Variants in TMEM184B observed in about 807,000 individuals in gnomAD.
TMEM184B encodes transmembrane protein 184B.
A neutral mutation model predicts 41.8 loss-of-function variants in TMEM184B; 17 were observed. The observed-to-expected ratio is 0.41, with a 90% CI of 0.28 to 0.61. The LOEUF (loss-of-function observed/expected upper bound fraction) is 0.61, where lower values mean the gene tolerates loss of function less well. Among genes scored for constraint, TMEM184B ranks in the 20% least tolerant of loss-of-function variants. The pLI, the probability that TMEM184B is intolerant of heterozygous loss-of-function variation, is 0.34. For missense variants in TMEM184B, 393 were observed against 557.8 expected, an observed-to-expected ratio of 0.70 and a Z score of 2.98; for synonymous variants, 240 against 229.5, an observed-to-expected ratio of 1.05 and a Z score of -0.41.
intron 8 of TMEM184B, 21 bp downstream of exon 8, chr22:38,224,764 G>A (rs139390093): frequency 1.2e-4 from 180 of 1,563,178 alleles, no homozygotes; most frequent in Middle Eastern, 7.7e-4. Context: ...AGCGGGGGTC[G>A]CCTAGGACCC....
intron 1 of TMEM184B, among the ~76,000 whole-genome samples, chr22:38,253,097 G>A (rs145181326): frequency 0.017 from 2,641 of 152,078 alleles, 72 homozygotes; most frequent in African/African-American, 0.061. Context: ...AGCCGAGATC[G>A]CGCCACTGCA....
In TMEM184B at chr22:38,225,832, C is replaced by A. The variant is rs1481622493; in HGVS notation, c.618-239G>T. On this transcript the variant is annotated intron_variant, in intron 6 of 8. Transcript: ENST00000361906. The surrounding 1 kb of genome is among the most constrained non-coding windows in gnomAD (Gnocchi z 4.4). ...TGCGTGGCTCGTGGACTTGTCTAAGCCCTGGTGCCCACACTCCTAACGTTG... is the reference window on the plus strand; with the variant it reads ...TGCGTGGCTCGTGGACTTGTCTAAGACCTGGTGCCCACACTCCTAACGTTG... Among the ~76,000 whole-genome samples, 1 of 152,320 alleles carries A rather than the reference C, an allele frequency of 6.6e-6. No individual in the cohort carries two copies. The highest frequency in any genetic ancestry group is 1.9e-4 in the East Asian group (1 of 5,180).
chr22:38,255,849 T>C (rs1238449490), intron 1 of TMEM184B, among the ~76,000 whole-genome samples: 1 of 152,100 alleles, frequency 6.6e-6, no homozygotes, highest in African/African-American at 2.4e-5. Flanking sequence ...TGGAGCATGG[T>C]GTAGTAGTTG....
intron 2 of TMEM184B, among the ~76,000 whole-genome samples, chr22:38,247,388 C>T (rs377665883): frequency 5.9e-5 from 9 of 152,220 alleles, no homozygotes; most frequent in African/African-American, 1.7e-4. Context: ...GTCAGATGGG[C>T]GAGGCTTGAA....
chr22:38,269,648 G>A (rs564072381), intron 1 of TMEM184B, among the ~76,000 whole-genome samples: 1 of 152,114 alleles, frequency 6.6e-6, no homozygotes, highest in African/African-American at 2.4e-5. Context: ...AGCAAGCTAC[G>A]ATAGCACCAC....
chr22:38,259,243 G>C (rs1321029076), intron 1 of TMEM184B, among the ~76,000 whole-genome samples: 1 of 152,224 alleles, frequency 6.6e-6, no homozygotes, highest in Non-Finnish European at 1.5e-5. Flanking sequence ...ACACCTTACT[G>C]CTGCTATCCC....
chr22:38,246,002 G>C lies in TMEM184B; in HGVS notation c.291C>G (p.Leu97=). 1 of 1,613,758 alleles carries C rather than the reference G, an allele frequency of 6.2e-7. No homozygotes were observed. Residue 97 remains leucine (L), a synonymous_variant, in exon 3 of 9, where the codon CTC becomes CTG. Coordinates refer to ENST00000361906, the MANE Select transcript of TMEM184B (RefSeq NM_012264.5). ...IVPIYAFDSW[L]SLLFFTNDQY... ...GGTCGTTGGTGAAGAAGAGGAGGCTGAGCCAGGAGTCAAAGGCGTAGATGG... is the reference window on the plus strand; with the variant it reads ...GGTCGTTGGTGAAGAAGAGGAGGCTCAGCCAGGAGTCAAAGGCGTAGATGG...
At chr22:38,267,260 G>C (rs997856981) in intron 1 of TMEM184B, among the ~76,000 whole-genome samples, 3 of 151,912 alleles carry the variant, frequency 2.0e-5, no homozygotes, top group African/African-American at 7.3e-5. Flanking sequence ...AGGCTTTCTG[G>C]GTGGATCTTC....
chr22:38,262,483 G>A (rs917614795), intron 1 of TMEM184B, among the ~76,000 whole-genome samples: 4 of 152,186 alleles, frequency 2.6e-5, no homozygotes. Context: ...GGAGTTAAGA[G>A]GGCAGACAGA....
In TMEM184B at chr22:38,247,804, A is replaced by C; in HGVS notation, c.158T>G (p.Phe53Cys). The C allele has an allele frequency of 1.2e-6, 2 of 1,614,006 alleles. No individual in the cohort carries two copies. The highest frequency in any genetic ancestry group is 1.7e-6 in the Non-Finnish European group (2 of 1,179,978). The change falls in exon 2 of 9, where the codon TTC becomes TGC. Residue 53 changes from phenylalanine to cysteine, a missense_variant. Phe to Cys is a radical substitution (Grantham distance 205). Around this residue, in one of 2 missense-constraint regions of TMEM184B, gnomAD observed 122 missense variants for 123.7 expected, o/e 0.99. Transcript: ENST00000361906. Reference protein sequence around the residue: ...TTAAQAISGFFVWTALLITCH... With the variant: ...TTAAQAISGFCVWTALLITCH... Reference sequence around the variant, plus strand: ...TGTGATGAGCAGGGCCGTCCACACGAAGAAGCCAGAGATGGCCTGAGCGGC... The same window carrying C: ...TGTGATGAGCAGGGCCGTCCACACGCAGAAGCCAGAGATGGCCTGAGCGGC...
Position 38,226,834 on chromosome 22 carries a change from C to T in TMEM184B, c.562G>A (p.Ala188Thr), listed in dbSNP as rs151083437. The T allele has an allele frequency of 3.7e-6, 6 of 1,604,646 alleles. No homozygotes were observed. The highest frequency in any genetic ancestry group is 1.3e-5 in the African/African-American group (1 of 74,938). ...LQFCVVKPLM[A>T]VSTVVLQAFG... Reference sequence around the variant, plus strand: ...GCCTGGAGGACCACAGTGCTGACCGCCATGAGTGGCTTCACCACACAGAAC... The same window carrying T: ...GCCTGGAGGACCACAGTGCTGACCGTCATGAGTGGCTTCACCACACAGAAC... Residue 188 changes from alanine to threonine, a missense_variant, in exon 6 of 9, where the codon GCG becomes ACG. Around this residue, in one of 2 missense-constraint regions of TMEM184B, gnomAD observed 271 missense variants for 434.1 expected, o/e 0.62. Transcript: ENST00000361906. The surrounding 1 kb of genome is among the most constrained non-coding windows in gnomAD (Gnocchi z 4.6).
At chr22:38,266,526 T>C (rs780496451) in intron 1 of TMEM184B, among the ~76,000 whole-genome samples, 2 of 152,238 alleles carry the variant, frequency 1.3e-5, no homozygotes, top group Non-Finnish European at 2.9e-5. Context: ...AAAAAAAGGC[T>C]GAAGACCTCA....
chr22:38,271,580 C>A (rs1218289149), intron 1 of TMEM184B, among the ~76,000 whole-genome samples: 1 of 152,072 alleles, frequency 6.6e-6, no homozygotes. Context: ...CGGCCACGAT[C>A]CCCCTCCCCG....
intron 1 of TMEM184B, among the ~76,000 whole-genome samples, chr22:38,259,443 T>C (rs1569052487): frequency 6.6e-6 from 1 of 152,096 alleles, no homozygotes; most frequent in Non-Finnish European, 1.5e-5. Flanking sequence ...GCCCATGTCA[T>C]CACAAGGGTC....
chr22:38,232,954 C>T (rs2091674465), intron 3 of TMEM184B, among the ~76,000 whole-genome samples: 2 of 152,154 alleles, frequency 1.3e-5, no homozygotes. Flanking sequence ...GAGTGCCCTC[C>T]TACCCACGGA....
At chr22:38,262,726 C>T (rs748166489) in intron 1 of TMEM184B, among the ~76,000 whole-genome samples, 1 of 152,120 alleles carries the variant, frequency 6.6e-6, no homozygotes, top group Non-Finnish European at 1.5e-5. Context: ...GACCGGGGGT[C>T]GTATTTACCA....
chr22:38,255,154 T>TA (rs1452781993), intron 1 of TMEM184B, among the ~76,000 whole-genome samples: 2 of 152,124 alleles, frequency 1.3e-5, no homozygotes, highest in Non-Finnish European at 2.9e-5. Context: ...GCCTCCTGAG[T>TA]AGGTGGGATT....
chr22:38,221,809 A>G (rs1373702251), intron 8 of TMEM184B, 99 bp from the exon 9 acceptor site: 27 of 1,499,782 alleles, frequency 1.8e-5, no homozygotes, highest in Non-Finnish European at 2.2e-5. Context: ...ACACCCCCCA[A>G]CCCAAAGCTA....
chr22:38,261,969 C>T (rs1043493016), intron 1 of TMEM184B, among the ~76,000 whole-genome samples: 1 of 151,972 alleles, frequency 6.6e-6, no homozygotes, highest in African/African-American at 2.4e-5. Flanking sequence ...AGAGCGCACA[C>T]GCGCCCCCAA....
Sources: gnomAD v4.1 joint callset for allele counts (sites outside exome capture counted in the v4.1 genomes callset) on GRCh38, gnomAD v4.1.1 for gene constraint, gnomAD v4.1.1 regional missense constraint, Gnocchi (gnomAD v3.1) non-coding constraint, MANE v1.5 for transcripts, NCBI Gene and HGNC (gene_info 2026-07-23, HGNC 2026-07-21) for gene names.